ZFHX3: variants seen among roughly 807,000 people sequenced by gnomAD.
ZFHX3 encodes zinc finger homeobox 3.
In ZFHX3, 42 loss-of-function variants were observed where a neutral mutation model predicts 279.1. That is an observed-to-expected ratio of 0.15 (90% CI 0.12 to 0.19). The LOEUF (loss-of-function observed/expected upper bound fraction) is 0.19. Ranked by LOEUF, ZFHX3 falls within the 10% of genes least tolerant of loss-of-function variation. The pLI is 1.00. For missense variants in ZFHX3, 4,981 were observed against 4,754.0 expected, an observed-to-expected ratio of 1.05 and a Z score of -1.40; for synonymous variants, 2,293 against 1,957.8, an observed-to-expected ratio of 1.17 and a Z score of -4.52.
chr16:73,258,418 C>T (rs866979589), intron 4 of ZFHX3, among the ~76,000 whole-genome samples: 5 of 151,940 alleles, frequency 3.3e-5, no homozygotes, highest in South Asian at 4.2e-4. Context: ...GGTGCAATCT[C>T]GGCTCACTGC....
At chr16:73,350,074 C>T (rs1437979591) in intron 3 of ZFHX3, among the ~76,000 whole-genome samples, 1 of 149,872 alleles carries the variant, frequency 6.7e-6, no homozygotes, top group Non-Finnish European at 1.5e-5. Context: ...TTTCTCCACA[C>T]AGAGAAATCT....
intron 3 of ZFHX3, among the ~76,000 whole-genome samples, chr16:73,339,546 A>G (rs938387403): frequency 2.0e-5 from 3 of 152,220 alleles, no homozygotes; most frequent in Non-Finnish European, 2.9e-5. Flanking sequence ...TTTTTGTTCC[A>G]CAACAATTTT....
intron 4 of ZFHX3, among the ~76,000 whole-genome samples, chr16:73,273,041 C>T (rs2014194512): frequency 6.6e-6 from 1 of 152,120 alleles, no homozygotes; most frequent in Non-Finnish European, 1.5e-5. Context: ...GCCACCGTGC[C>T]CAGCCAAGGG....
intron 1 of ZFHX3, among the ~76,000 whole-genome samples, chr16:73,057,451 A>G (rs971180671): frequency 1.3e-5 from 2 of 152,026 alleles, no homozygotes; most frequent in Non-Finnish European, 2.9e-5. Flanking sequence ...TGTAAAATTC[A>G]GGAACACGGT....
chr16:72,922,098 C>T (rs747205697), intron 3 of ZFHX3, among the ~76,000 whole-genome samples: 2 of 152,146 alleles, frequency 1.3e-5, no homozygotes, highest in South Asian at 2.1e-4. Context: ...ACTGAGTCAC[C>T]GAAACAGCAG....
At chr16:73,173,142 A>G (rs1331306876) in intron 5 of ZFHX3, among the ~76,000 whole-genome samples, 2 of 151,166 alleles carry the variant, frequency 1.3e-5, no homozygotes, top group Non-Finnish European at 2.9e-5. Flanking sequence ...CTCTGAAGCA[A>G]CGATGTCTCT....
chr16:73,334,616 G>A (rs1189778276), intron 3 of ZFHX3, among the ~76,000 whole-genome samples: 1 of 151,824 alleles, frequency 6.6e-6, no homozygotes, highest in Non-Finnish European at 1.5e-5. Context: ...GTGGCCACTC[G>A]CAGTCACTCT....
chr16:72,973,327 AC>A (rs1962190100), intron 1 of ZFHX3: 1 of 152,154 alleles, frequency 6.6e-6, no homozygotes, highest in Admixed American at 6.5e-5. Flanking sequence ...AGAAACAACT[AC>A]CAAAACACAT....
chr16:73,533,545 C>T (rs1383093768), intron 2 of ZFHX3, among the ~76,000 whole-genome samples: 1 of 151,824 alleles, frequency 6.6e-6, no homozygotes, highest in Non-Finnish European at 1.5e-5. Context: ...CATCTATGTC[C>T]CAAGGAGTCC....
intron 1 of ZFHX3, among the ~76,000 whole-genome samples, chr16:73,817,400 T>C (rs886821455): frequency 6.6e-6 from 1 of 152,206 alleles, no homozygotes; most frequent in Non-Finnish European, 1.5e-5. Context: ...TATCCTGTCA[T>C]CACTAATCCT....
chr16:72,835,280 G>A (rs1265239121), intron 4 of ZFHX3, among the ~76,000 whole-genome samples: 26 of 152,188 alleles, frequency 1.7e-4, no homozygotes, highest in Admixed American at 1.6e-3. Flanking sequence ...CTTGGAAAAT[G>A]CGGCGGTGCA....
intron 5 of ZFHX3, among the ~76,000 whole-genome samples, chr16:73,251,720 ACACACG>A: frequency 7.7e-6 from 1 of 129,754 alleles, no homozygotes; most frequent in East Asian, 2.5e-4. Context: ...CATACACACC[ACACACG>A]CACACACCAT....
At chr16:73,381,781 T>TA (rs1456985471) in intron 3 of ZFHX3, among the ~76,000 whole-genome samples, 2 of 152,044 alleles carry the variant, frequency 1.3e-5, no homozygotes, top group Non-Finnish European at 2.9e-5. Flanking sequence ...AGTAAATAAA[T>TA]AAAAAATAAA....
chr16:73,405,667 G>A (rs947459734), intron 3 of ZFHX3, among the ~76,000 whole-genome samples: 1 of 151,934 alleles, frequency 6.6e-6, no homozygotes, highest in Non-Finnish European at 1.5e-5. Flanking sequence ...CATCACGTAT[G>A]TAATGTAATG....
intron 2 of ZFHX3, among the ~76,000 whole-genome samples, chr16:73,582,833 T>C (rs930608999): frequency 6.6e-6 from 1 of 151,922 alleles, no homozygotes; most frequent in Non-Finnish European, 1.5e-5. Context: ...ATTGGAGTTA[T>C]ATAAGATGAT....
At chr16:72,836,307 C>G (rs1454771362) in intron 4 of ZFHX3, among the ~76,000 whole-genome samples, 1 of 151,916 alleles carries the variant, frequency 6.6e-6, no homozygotes, top group Non-Finnish European at 1.5e-5. Flanking sequence ...CCTACCTGTA[C>G]CGTGACAGCC....
intron 3 of ZFHX3, among the ~76,000 whole-genome samples, chr16:72,925,334 T>C (rs570253421): frequency 6.6e-6 from 1 of 152,312 alleles, no homozygotes; most frequent in African/African-American, 2.4e-5. Context: ...AACGGTTCCA[T>C]CACTGAGCTA....
Position 73,510,672 on chromosome 16 carries a change from G to C in ZFHX3, c.-1546-54414C>G, listed in dbSNP as rs138039031. Among the ~76,000 whole-genome samples, 7 of 152,320 alleles carry C rather than the reference G, an allele frequency of 4.6e-5. No homozygotes were observed. In the East Asian group the frequency reaches 9.7e-4, roughly 21 times the overall value. ...ACTGTGATGTGAATAGCAGCATGTG[G>C]TATTGTGCAGTATCCAACCTGAGCA... On this transcript the variant is annotated intron_variant, in intron 2 of 17. Transcript: ENST00000641206.
intron 3 of ZFHX3, among the ~76,000 whole-genome samples, chr16:73,350,219 C>T (rs554218382): frequency 6.6e-6 from 1 of 152,240 alleles, no homozygotes; most frequent in African/African-American, 2.4e-5. Context: ...TGATGATTAC[C>T]TTCTCCATTC....
Sources: gnomAD v4.1 joint callset for allele counts (sites outside exome capture counted in the v4.1 genomes callset) on GRCh38, gnomAD v4.1.1 for gene constraint, MANE v1.5 for transcripts, NCBI Gene and HGNC (gene_info 2026-07-23, HGNC 2026-07-21) for gene names.